The following CEP15 variants were observed in gnomAD, a reference collection of about 807,000 sequenced individuals.
CEP15 encodes the protein centrosomal protein 15.
chr3:62,324,516 T>C, the CEP15 span, among the ~76,000 whole-genome samples: 1 of 152,184 alleles, frequency 6.6e-6, no homozygotes. Context: ...TTTTTAGCAC[T>C]AAAACTTCTT....
the CEP15 span, among the ~76,000 whole-genome samples, chr3:62,330,491 G>A: frequency 4.3e-4 from 66 of 152,232 alleles, no homozygotes; most frequent in African/African-American, 1.5e-3. Flanking sequence ...AAAAATTTGC[G>A]GAGTCCTGCA....
At chr3:62,330,492 G>A in the CEP15 span, among the ~76,000 whole-genome samples, 1 of 152,242 alleles carries the variant, frequency 6.6e-6, no homozygotes, top group East Asian at 1.9e-4. Flanking sequence ...AAAATTTGCG[G>A]AGTCCTGCAT....
chr3:62,323,077 G>A, the CEP15 span, among the ~76,000 whole-genome samples: 1 of 152,200 alleles, frequency 6.6e-6, no homozygotes, highest in African/African-American at 2.4e-5. Flanking sequence ...CTACCTACCT[G>A]CAGCACGTGA....
At chr3:62,334,861 T>G in the CEP15 span, 1 of 152,038 alleles carries the variant, frequency 6.6e-6, no homozygotes, top group Non-Finnish European at 1.5e-5. This position sits in a 1 kb window ranked among gnomAD's most constrained non-coding sequence, Gnocchi z 4.9. Context: ...AGAATGCAGG[T>G]TTTTTTAGCA....
chr3:62,321,532 A>G, the CEP15 span, among the ~76,000 whole-genome samples: 1 of 152,204 alleles, frequency 6.6e-6, no homozygotes, highest in African/African-American at 2.4e-5. This position sits in a 1 kb window ranked among gnomAD's most constrained non-coding sequence, Gnocchi z 4.1. Context: ...TTCATATAGC[A>G]AGTTATATCA....
At chr3:62,328,251 TC>T in the CEP15 span, among the ~76,000 whole-genome samples, 1 of 152,236 alleles carries the variant, frequency 6.6e-6, no homozygotes, top group Non-Finnish European at 1.5e-5. Flanking sequence ...ATCTTATGCA[TC>T]TAACCTTCTT....
chr3:62,323,952 G>C, the CEP15 span: 44 of 152,300 alleles, frequency 2.9e-4, 1 homozygote, highest in East Asian at 5.6e-3. Flanking sequence ...CTTGCTGCTA[G>C]AGATGCTGCC....
At chr3:62,334,455 T>A in the CEP15 span, 1 of 152,080 alleles carries the variant, frequency 6.6e-6, no homozygotes, top group Non-Finnish European at 1.5e-5. The surrounding 1 kb of genome is among the most constrained non-coding windows in gnomAD (Gnocchi z 4.9). Context: ...TAAACTACCA[T>A]CTTGGAAATA....
chr3:62,322,225 C>A, the CEP15 span: 9 of 593,064 alleles, frequency 1.5e-5, no homozygotes, highest in African/African-American at 1.6e-4. The surrounding 1 kb of genome is among the most constrained non-coding windows in gnomAD (Gnocchi z 5.5). Flanking sequence ...CATATGTATC[C>A]TCATTTTTTT....
At chr3:62,319,075 GGGTGGGT>G in the CEP15 span, 1 of 152,376 alleles carries the variant, frequency 6.6e-6, no homozygotes, top group Non-Finnish European at 1.5e-5. Flanking sequence ...GTCGGACAGT[GGGTGGGT>G]GCCCTGACTG....
At chr3:62,330,923 G>A in the CEP15 span, among the ~76,000 whole-genome samples, 1 of 151,912 alleles carries the variant, frequency 6.6e-6, no homozygotes, top group African/African-American at 2.4e-5. Flanking sequence ...GCACAGGGTG[G>A]GTCTGAGTAT....
At chr3:62,332,468 AAT>A in the CEP15 span, among the ~76,000 whole-genome samples, 1 of 152,082 alleles carries the variant, frequency 6.6e-6, no homozygotes, top group Admixed American at 6.6e-5. Flanking sequence ...GTGATGATCT[AAT>A]ATCAGTTGCC....
the CEP15 span, among the ~76,000 whole-genome samples, chr3:62,332,558 A>G: frequency 6.6e-6 from 1 of 152,084 alleles, no homozygotes; most frequent in Admixed American, 6.6e-5. Context: ...CCAAAGCTAG[A>G]CACAACACAG....
chr3:62,335,365 A>G, the CEP15 span: 2 of 150,494 alleles, frequency 1.3e-5, no homozygotes, highest in Non-Finnish European at 3.0e-5. Context: ...TACCTCAAAA[A>G]CTCCCAGAGA....
the CEP15 span, among the ~76,000 whole-genome samples, chr3:62,326,951 A>G: frequency 6.6e-6 from 1 of 152,268 alleles, no homozygotes; most frequent in African/African-American, 2.4e-5. Flanking sequence ...TTCCTCAAGT[A>G]TTCAGTCAGA....
chr3:62,324,069 A>G, the CEP15 span: 1 of 152,086 alleles, frequency 6.6e-6, no homozygotes, highest in Non-Finnish European at 1.5e-5. Flanking sequence ...GCTCTACCAT[A>G]GAAGTCATTA....
At chr3:62,320,591 T>C in the CEP15 span, 1 of 1,241,146 alleles carries the variant, frequency 8.1e-7, no homozygotes, top group Non-Finnish European at 1.2e-6. Context: ...AAATATTGTA[T>C]ACACAGGATG....
the CEP15 span, among the ~76,000 whole-genome samples, chr3:62,327,492 A>G: frequency 1.3e-5 from 1 of 76,676 alleles, no homozygotes; most frequent in East Asian, 4.1e-4. Context: ...CCACATGAGA[A>G]GTTCTAGAGG....
the CEP15 span, among the ~76,000 whole-genome samples, chr3:62,332,261 A>C: frequency 5.3e-5 from 8 of 152,112 alleles, no homozygotes; most frequent in East Asian, 1.9e-4. Flanking sequence ...TATTTTTCTT[A>C]ACTAGTCTTT....
Sources: allele counts gnomAD v4.1 joint callset (sites outside exome capture counted in the v4.1 genomes callset), GRCh38; gene constraint gnomAD v4.1.1; non-coding constraint Gnocchi (gnomAD v3.1); transcripts MANE v1.5; gene names NCBI Gene and HGNC (gene_info 2026-07-23, HGNC 2026-07-21).